The following ROCK1 variants were observed in gnomAD, a reference collection of about 807,000 sequenced individuals.
ROCK1 encodes rho-associated protein kinase 1.
Under a neutral mutation model 196.8 loss-of-function variants are expected in ROCK1, and 36 were observed. The observed-to-expected ratio is 0.18, with a 90% CI of 0.14 to 0.24. ROCK1 has a LOEUF of 0.24. Ranked by LOEUF, ROCK1 falls within the 10% of genes least tolerant of loss-of-function variation. ROCK1 has a pLI of 1.00. For synonymous variants in ROCK1, 443 were observed against 515.9 expected, an observed-to-expected ratio of 0.86 and a Z score of 1.91; for missense variants, 920 against 1,562.0, an observed-to-expected ratio of 0.59 and a Z score of 6.93.
rs1182618146 is a variant in ROCK1 at position 21,084,095 on chromosome 18, C to A, written c.94-13482G>T. ...CACATGCAAGAGAATCAAGTGGGAG[C>A]CCCTACAATATACCATATACCAAAA... On this transcript the variant is annotated intron_variant, in intron 1 of 32. Coordinates refer to ENST00000399799, the MANE Select transcript of ROCK1 (RefSeq NM_005406.3). Among the ~76,000 whole-genome samples the A allele has an allele frequency of 3.3e-5, 5 of 152,160 alleles. No homozygotes were observed. In the East Asian group the frequency reaches 9.7e-4, roughly 29 times the overall value.
intron 12 of ROCK1, among the ~76,000 whole-genome samples, chr18:21,018,933 G>A (rs1257314916): frequency 6.6e-6 from 1 of 151,966 alleles, no homozygotes; most frequent in East Asian, 1.9e-4. Context: ...ATTATGCTAG[G>A]TAATTTAAAA....
At chr18:21,077,408 G>A (rs1364871973) in intron 1 of ROCK1, among the ~76,000 whole-genome samples, 1 of 152,106 alleles carries the variant, frequency 6.6e-6, no homozygotes, top group East Asian at 1.9e-4. Context: ...ATACCTGAAG[G>A]ACTAAGGCAA....
intron 29 of ROCK1, among the ~76,000 whole-genome samples, chr18:20,959,161 A>ATG (rs1175862611): frequency 1.4e-5 from 1 of 73,662 alleles, no homozygotes; most frequent in Non-Finnish European, 2.3e-5. Flanking sequence ...TATATATTAT[A>ATG]TATTATATAA....
intron 29 of ROCK1, among the ~76,000 whole-genome samples, chr18:20,955,911 T>C (rs1475919653): frequency 6.6e-6 from 1 of 151,828 alleles, no homozygotes; most frequent in East Asian, 1.9e-4. Flanking sequence ...GGAGAACAGA[T>C]TAATGTTGCT....
At position 20,967,755 on chromosome 18, in the gene ROCK1, T is replaced by C. The variant is rs775212387; in HGVS notation, c.3189A>G (p.Gln1063=). The C allele has an allele frequency of 2.5e-6, 4 of 1,590,084 alleles. No homozygotes were observed. The highest frequency in any genetic ancestry group is 3.7e-5 in the Admixed American group (2 of 54,746). The change falls in exon 26 of 33, where the codon CAA becomes CAG. Residue 1063 remains glutamine (Q), a synonymous_variant. Transcript: ENST00000399799. ...VKHQKELNDM[Q]AQLVEECAHR... Reference sequence around the variant, plus strand: ...CATACACACACAGAAACCTTACCGCTTGCATGTCATTCAGTTCCTTCTGAT... The same window carrying C: ...CATACACACACAGAAACCTTACCGCCTGCATGTCATTCAGTTCCTTCTGAT...
At position 20,998,420 on chromosome 18, in the gene ROCK1, T is replaced by C. The variant is rs202028820; in HGVS notation, c.1886-5483A>G. On this transcript the variant is annotated intron_variant, in intron 16 of 32. Transcript: ENST00000399799. ...AGCCAGAGCAAATCAAACCCAAAAT[T>C]AGTAGAAGAAAATAAATAATAAAGA... Among the ~76,000 whole-genome samples, 5 of 151,702 alleles carry C rather than the reference T, an allele frequency of 3.3e-5. No homozygotes were observed. The East Asian group carries it at 9.7e-4, about 29-fold the overall frequency.
At chr18:20,971,305 T>TACACAC (rs374530206) in intron 22 of ROCK1, among the ~76,000 whole-genome samples, 24,293 of 136,486 alleles carry the variant, frequency 0.18, 2,283 homozygotes, top group East Asian at 0.33. Flanking sequence ...ATAGTAAACA[T>TACACAC]ACACACACAC....
At position 20,992,947 on chromosome 18, in the gene ROCK1, G is replaced by A; in HGVS notation, c.1886-10C>T. On this transcript the variant is annotated splice_polypyrimidine_tract_variant and intron_variant, in intron 16 of 32. Transcript: ENST00000399799. ...AAAGATGTAATTCGAGCTATCAAGT[G>A]AGAAAAAAGTTCAAGTCTGTAGTCA... 2 of 1,561,074 alleles carry A rather than the reference G, an allele frequency of 1.3e-6. No individual in the cohort carries two copies. The highest frequency in any genetic ancestry group is 1.8e-6 in the Non-Finnish European group (2 of 1,134,474).
intron 12 of ROCK1, among the ~76,000 whole-genome samples, chr18:21,018,716 A>G (rs1452979193): frequency 1.3e-5 from 2 of 152,166 alleles, no homozygotes; most frequent in Non-Finnish European, 2.9e-5. Flanking sequence ...ACTTAACCAC[A>G]TAATCTATCA....
chr18:20,984,423 T>C lies in ROCK1; in HGVS notation c.2417A>G (p.Gln806Arg). The C allele has an allele frequency of 6.2e-7, 1 of 1,612,924 alleles. No homozygotes were observed. Among genetic ancestry groups the C allele is most frequent in the Non-Finnish European group, 8.5e-7 (1 of 1,179,428 alleles). ...EADNLKGLEK[Q>R]MKQEINTLLE... The stretch of plus-strand genomic sequence containing the variant: ...TAAAGTATTTATTTCCTGTTTCATC[T>C]GCTTTTCTAAACCTTTTAAATTGTC... Residue 806 changes from glutamine to arginine, a missense_variant, in exon 20 of 33, where the codon CAG becomes CGG. This residue lies in a region of ROCK1 where 520 missense variants were observed against 657.1 expected (regional missense o/e 0.79). Transcript: ENST00000399799.
intron 2 of ROCK1, among the ~76,000 whole-genome samples, chr18:21,058,475 G>A (rs1163299473): frequency 2.6e-5 from 4 of 151,998 alleles, no homozygotes; most frequent in African/African-American, 9.7e-5. Flanking sequence ...CTGCTACTCT[G>A]CCTAAAAAAG....
At chr18:21,009,568 C>A (rs1288866592) in intron 13 of ROCK1, among the ~76,000 whole-genome samples, 1 of 151,962 alleles carries the variant, frequency 6.6e-6, no homozygotes, top group African/African-American at 2.4e-5. Flanking sequence ...GAATACATGC[C>A]CAAGAATACA....
chr18:21,059,180 AATTATCT>A (rs1419595250), intron 2 of ROCK1, among the ~76,000 whole-genome samples: 1 of 152,164 alleles, frequency 6.6e-6, no homozygotes, highest in Non-Finnish European at 1.5e-5. Context: ...AGTTATTTGC[AATTATCT>A]ATATAAGCCC....
intron 16 of ROCK1, among the ~76,000 whole-genome samples, chr18:20,997,050 C>T (rs1005533695): frequency 9.9e-5 from 15 of 151,934 alleles, no homozygotes; most frequent in African/African-American, 3.1e-4. Flanking sequence ...GAGAAGACCA[C>T]AAAACAATCA....
At chr18:21,060,898 C>T (rs1174186278) in intron 2 of ROCK1, among the ~76,000 whole-genome samples, 1 of 148,040 alleles carries the variant, frequency 6.8e-6, no homozygotes, top group Non-Finnish European at 1.5e-5. Context: ...CGAATATTTA[C>T]GGCAGCTTTA....
intron 9 of ROCK1, among the ~76,000 whole-genome samples, chr18:21,035,890 A>T (rs1206754015): frequency 6.6e-6 from 1 of 152,198 alleles, no homozygotes; most frequent in Admixed American, 6.5e-5. Flanking sequence ...TAGAGACAGA[A>T]AGAATAGTGA....
chr18:21,083,825 T>C (rs761306103), intron 1 of ROCK1, among the ~76,000 whole-genome samples: 5 of 152,168 alleles, frequency 3.3e-5, no homozygotes, highest in African/African-American at 9.7e-5. Flanking sequence ...CTATTAGTAG[T>C]TAAGTTTTGG....
intron 1 of ROCK1, 40 bp downstream of exon 1, chr18:21,110,778 G>T: frequency 6.6e-7 from 1 of 1,522,546 alleles, no homozygotes; most frequent in Non-Finnish European, 9.1e-7. Flanking sequence ...GGAAAGACAT[G>T]CAAAACCCCA....
rs922370326 is a variant in ROCK1 at position 21,070,730 on chromosome 18, C to CT, written c.94-118_94-117insA. On this transcript the variant is annotated intron_variant, in intron 1 of 32. Transcript: ENST00000399799. The stretch of plus-strand genomic sequence containing the variant: ...AATTTCCCCTAACACATCTTGTGTA[C>CT]ATTTAACACCCTCTACAAGGTTAGA... The CT allele has an allele frequency of 6.9e-6, 4 of 583,850 alleles. No homozygotes were observed. In the African/African-American group the frequency reaches 7.7e-5, roughly 11 times the overall value. The allele number at this position is 583,850 out of a possible 1,614,324, so 36.2% of individuals were successfully genotyped here. A position where few individuals can be genotyped will look rare whatever the true frequency, so the allele number is the denominator to read the frequency against.
Sources: gnomAD v4.1 joint callset for allele counts (sites outside exome capture counted in the v4.1 genomes callset) on GRCh38, gnomAD v4.1.1 for gene constraint, gnomAD v4.1.1 regional missense constraint, MANE v1.5 for transcripts, NCBI Gene and HGNC (gene_info 2026-07-23, HGNC 2026-07-21) for gene names.